Variants in SRPK2 observed in about 807,000 individuals in gnomAD.
The protein encoded by SRPK2 is SRSF protein kinase 2.
Under a neutral mutation model 90.8 loss-of-function variants are expected in SRPK2, and 21 were observed. The ratio of observed to expected loss-of-function variants is 0.23; its 90% CI spans 0.16 to 0.33. The LOEUF (loss-of-function observed/expected upper bound fraction) is 0.33. Ranked by LOEUF, SRPK2 falls within the 10% of genes least tolerant of loss-of-function variation. SRPK2 has a pLI of 1.00. For missense variants in SRPK2, 620 were observed against 869.0 expected (o/e 0.71, Z 3.60); for synonymous variants, 288 against 311.1 (o/e 0.93, Z 0.78).
intron 2 of SRPK2, among the ~76,000 whole-genome samples, chr7:105,232,280 G>A (rs1585273333): frequency 6.6e-6 from 1 of 151,966 alleles, no homozygotes; most frequent in Non-Finnish European, 1.5e-5. Flanking sequence ...CACCAACATG[G>A]AGAAATCCGT....
intron 9 of SRPK2, chr7:105,143,568 A>G (rs1184603342): frequency 1.9e-6 from 1 of 537,080 alleles, no homozygotes; most frequent in African/African-American, 1.9e-5. Flanking sequence ...AGAGGGATAT[A>G]GCTTAAATCC....
intron 2 of SRPK2, among the ~76,000 whole-genome samples, chr7:105,287,032 C>T (rs528804676): frequency 6.6e-6 from 1 of 150,540 alleles, no homozygotes; most frequent in Non-Finnish European, 1.5e-5. Context: ...GAGGCCGAGG[C>T]GGGCGGATCA....
At chr7:105,118,968 G>A (rs911137613) in intron 15 of SRPK2, among the ~76,000 whole-genome samples, 4 of 152,144 alleles carry the variant, frequency 2.6e-5, no homozygotes, top group African/African-American at 9.7e-5. Flanking sequence ...TAATTTCACT[G>A]TGAATAACTC....
intron 2 of SRPK2, among the ~76,000 whole-genome samples, chr7:105,368,810 G>A (rs1034296287): frequency 5.3e-5 from 8 of 150,984 alleles, no homozygotes; most frequent in East Asian, 3.9e-4. Flanking sequence ...GCTTGAACCC[G>A]GGAGGCAGAG....
intron 15 of SRPK2, among the ~76,000 whole-genome samples, chr7:105,123,886 C>T (rs1800755146): frequency 1.3e-5 from 2 of 152,158 alleles, no homozygotes; most frequent in Admixed American, 1.3e-4. Context: ...CTCGAGGTAC[C>T]ACAGGAACAC....
intron 2 of SRPK2, among the ~76,000 whole-genome samples, chr7:105,313,944 C>T (rs1812022614): frequency 6.6e-6 from 1 of 152,150 alleles, no homozygotes; most frequent in African/African-American, 2.4e-5. Flanking sequence ...GGCAAAGTCG[C>T]ACCTCATTTA....
At chr7:105,152,118 A>G in intron 7 of SRPK2, among the ~76,000 whole-genome samples, 1 of 152,070 alleles carries the variant, frequency 6.6e-6, no homozygotes, top group Admixed American at 6.6e-5. Context: ...CATCCCAGCA[A>G]CAAAACTTTG....
At chr7:105,282,417 T>C (rs1807465514) in intron 2 of SRPK2, among the ~76,000 whole-genome samples, 1 of 152,198 alleles carries the variant, frequency 6.6e-6, no homozygotes, top group Non-Finnish European at 1.5e-5. Context: ...GAGGCTACAG[T>C]TTCTTAGGTA....
At chr7:105,181,912 CAA>C (rs1792899216) in intron 3 of SRPK2, among the ~76,000 whole-genome samples, 3 of 124,780 alleles carry the variant, frequency 2.4e-5, no homozygotes, top group Non-Finnish European at 3.6e-5. Context: ...AACACACACA[CAA>C]AAACCAAATG....
chr7:105,217,965 C>T (rs1797662571), intron 2 of SRPK2, among the ~76,000 whole-genome samples: 1 of 152,212 alleles, frequency 6.6e-6, no homozygotes, highest in Non-Finnish European at 1.5e-5. Flanking sequence ...TTCTCTCCAG[C>T]TGGCTGAGTG....
intron 15 of SRPK2, among the ~76,000 whole-genome samples, chr7:105,124,902 C>A (rs528337438): frequency 2.0e-5 from 3 of 151,482 alleles, no homozygotes; most frequent in African/African-American, 7.3e-5. Context: ...AAGGCTAAGG[C>A]GGGTGGATCA....
chr7:105,389,019 TCGGGA>T, upstream of SRPK2: 1 of 910,184 alleles, frequency 1.1e-6, no homozygotes. Flanking sequence ...GCCCCGGGGG[TCGGGA>T]CCCCAGCGCC....
chr7:105,244,359 C>G (rs1801272464), intron 2 of SRPK2, among the ~76,000 whole-genome samples: 1 of 152,202 alleles, frequency 6.6e-6, no homozygotes, highest in African/African-American at 2.4e-5. Flanking sequence ...CATCTGAGGT[C>G]AGGAATTCAA....
chr7:105,394,217 A>G (rs1467539212), upstream of SRPK2, among the ~76,000 whole-genome samples: 1 of 147,732 alleles, frequency 6.8e-6, no homozygotes, highest in East Asian at 2.0e-4. Context: ...ATTTCGGCTC[A>G]CCGCAACCTC....
chr7:105,295,235 A>G (rs1809635679), intron 2 of SRPK2, among the ~76,000 whole-genome samples: 1 of 151,684 alleles, frequency 6.6e-6, no homozygotes. Flanking sequence ...TTGAATGAAA[A>G]TATTTTATTA....
At chr7:105,246,400 C>T (rs1316100747) in intron 2 of SRPK2, among the ~76,000 whole-genome samples, 1 of 152,058 alleles carries the variant, frequency 6.6e-6, no homozygotes, top group Non-Finnish European at 1.5e-5. Context: ...TGGTTTAGGG[C>T]CAGTTATATT....
intron 11 of SRPK2, among the ~76,000 whole-genome samples, chr7:105,134,614 C>A (rs567034342): frequency 2.6e-5 from 4 of 152,202 alleles, no homozygotes; most frequent in African/African-American, 7.2e-5. Context: ...GGGGTACATA[C>A]GAGCTGTGAA....
intron 2 of SRPK2, among the ~76,000 whole-genome samples, chr7:105,290,094 C>A (rs530540290): frequency 6.6e-6 from 1 of 151,650 alleles, no homozygotes; most frequent in Non-Finnish European, 1.5e-5. Context: ...ACCATATTAT[C>A]AGCAACGATC....
At chr7:105,201,431 C>T (rs1795540904) in intron 3 of SRPK2, among the ~76,000 whole-genome samples, 1 of 152,092 alleles carries the variant, frequency 6.6e-6, no homozygotes, top group Non-Finnish European at 1.5e-5. Context: ...ATACTTTATT[C>T]TTAGCCCTAT....
Sources: gnomAD v4.1 joint callset for allele counts (sites outside exome capture counted in the v4.1 genomes callset) on GRCh38, gnomAD v4.1.1 for gene constraint, MANE v1.5 for transcripts, NCBI Gene and HGNC (gene_info 2026-07-23, HGNC 2026-07-21) for gene names.